Variants in TANC1 observed in about 807,000 individuals in gnomAD.
TANC1 encodes the protein protein TANC1.
A neutral mutation model predicts 149.7 loss-of-function variants in TANC1; 77 were observed. The observed-to-expected ratio is 0.51, with a 90% CI of 0.43 to 0.62. The LOEUF is 0.62. TANC1 is among the 20% of genes least tolerant of loss of function. The probability of loss-of-function intolerance (pLI) is 0.00; values close to 1 mark genes in which losing one functional copy is unlikely to be tolerated. For missense variants in TANC1, 1,985 were observed against 2,321.8 expected (o/e 0.85, Z 2.98); for synonymous variants, 854 against 925.0 (o/e 0.92, Z 1.39).
chr2:159,091,631 G>A (rs891765498), intron 3 of TANC1, among the ~76,000 whole-genome samples: 2 of 152,102 alleles, frequency 1.3e-5, no homozygotes, highest in African/African-American at 2.4e-5. Context: ...AAAACCATGC[G>A]GACAGTATTT....
intron 6 of TANC1, 96 bp from the exon 7 acceptor site, chr2:159,150,274 C>T (rs2052635138): frequency 2.0e-6 from 2 of 987,954 alleles, no homozygotes; most frequent in Non-Finnish European, 3.0e-6. Flanking sequence ...TTCCGTTTTC[C>T]TGTTCTTAGT....
chr2:159,075,957 A>G (rs954014726), intron 3 of TANC1, among the ~76,000 whole-genome samples: 1 of 152,216 alleles, frequency 6.6e-6, no homozygotes, highest in African/African-American at 2.4e-5. Context: ...TGCTTGCACA[A>G]TTCCTATTAC....
At chr2:159,111,967 T>G (rs1343242547) in intron 4 of TANC1, among the ~76,000 whole-genome samples, 1 of 150,964 alleles carries the variant, frequency 6.6e-6, no homozygotes, top group Admixed American at 6.6e-5. Context: ...AGAAATTGTA[T>G]GTCTTGAAGT....
chr2:159,056,860 AG>A (rs1574378805), intron 2 of TANC1: 1 of 321,100 alleles, frequency 3.1e-6, no homozygotes, highest in East Asian at 6.9e-5. Context: ...CTTCAATCAT[AG>A]GAGTTTCCTG....
rs1342660926 is a variant in TANC1, at chr2:158,981,524, TATATATATATATATATATAA to T, written c.-126+12744_-126+12763del. On this transcript the variant is annotated intron_variant, in intron 1 of 26. Coordinates refer to ENST00000263635, the MANE Select transcript of TANC1 (RefSeq NM_033394.3). Reference sequence around the variant, plus strand: ...ATATATATATATATATATATATATATATATATATATATATATATAAAGAAGTAACAGCTTAGAGTTTAAAA... The same window carrying T: ...ATATATATATATATATATATATATATAGAAGTAACAGCTTAGAGTTTAAAA... Among the ~76,000 whole-genome samples, 518 of 121,894 alleles carry T rather than the reference TATATATATATATATATATAA, an allele frequency of 4.2e-3. 6 individuals carry two copies. The highest frequency in any genetic ancestry group is 6.0e-3 in the Non-Finnish European group (345 of 57,234). 80.0% of individuals were successfully genotyped at this position (121,894 alleles called of 152,430 possible). A position where few individuals can be genotyped will look rare whatever the true frequency, so the allele number is the denominator to read the frequency against.
rs369721564 is a variant in TANC1, at chr2:159,150,923, G to A, written c.682+367G>A. ...TGAAATTCCTGCATATTAAGACGTCGTCTTATCCCAATCTCAAGGTCACTT... is the reference window on the plus strand; with the variant it reads ...TGAAATTCCTGCATATTAAGACGTCATCTTATCCCAATCTCAAGGTCACTT... On this transcript the variant is annotated intron_variant, in intron 7 of 26. Coordinates refer to ENST00000263635, the MANE Select transcript of TANC1 (RefSeq NM_033394.3). 5.4e-4 allele frequency: 98 copies of A among 181,544 alleles called. 1 individual carries two copies. Among genetic ancestry groups the A allele is most frequent in the Middle Eastern group, 2.4e-3 (1 of 414 alleles). 11.2% of individuals were successfully genotyped at this position (181,544 alleles called of 1,614,324 possible).
chr2:159,024,346 GTATT>G, intron 2 of TANC1, among the ~76,000 whole-genome samples: 1 of 152,312 alleles, frequency 6.6e-6, no homozygotes, highest in South Asian at 2.1e-4. Flanking sequence ...AAAGTCTACA[GTATT>G]GTACGGTAAT....
At position 159,219,816 on chromosome 2, in the gene TANC1, G is replaced by C; in HGVS notation, c.3627G>C (p.Lys1209Asn). 6.2e-7 allele frequency: 1 copy of C among 1,613,938 alleles called. No individual in the cohort carries two copies. Among genetic ancestry groups the C allele is most frequent in the African/African-American group, 1.3e-5 (1 of 75,052 alleles). The change falls in exon 22 of 27, where the codon AAG becomes AAC. Residue 1209 changes from lysine to asparagine, a missense_variant. Transcript: ENST00000263635. ...EEGAAIDQTD[K>N]NGRTPLDLAA... ...GAGCTGCAATAGACCAGACAGACAA[G>C]AATGGCCGCACACCCTTGGACCTGG... is the stretch of plus-strand genomic sequence containing the variant.
chr2:159,110,044 C>G (rs2047572465), intron 4 of TANC1, among the ~76,000 whole-genome samples: 1 of 152,190 alleles, frequency 6.6e-6, no homozygotes, highest in Non-Finnish European at 1.5e-5. Context: ...TGTCATACCT[C>G]AAACTGCATA....
chr2:159,136,063 T>TGC (rs141297015), intron 4 of TANC1, 131 bp from the exon 5 acceptor site: 1 of 534,924 alleles, frequency 1.9e-6, no homozygotes, highest in South Asian at 2.0e-5. Context: ...CGCGCGCGCG[T>TGC]TTAAGGGAGG....
chr2:159,075,863 A>T (rs2043621107), intron 3 of TANC1, among the ~76,000 whole-genome samples: 1 of 151,784 alleles, frequency 6.6e-6, no homozygotes, highest in African/African-American at 2.4e-5. Context: ...TGAACTTTTT[A>T]TAAGCTGTTA....
chr2:159,115,743 A>G (rs1284126474), intron 4 of TANC1, among the ~76,000 whole-genome samples: 3 of 152,136 alleles, frequency 2.0e-5, no homozygotes, highest in Admixed American at 6.5e-5. Context: ...TCAAGATTCA[A>G]AATATTCTGT....
chr2:159,151,448 C>T (rs897548528), intron 7 of TANC1, among the ~76,000 whole-genome samples: 6 of 152,210 alleles, frequency 3.9e-5, no homozygotes, highest in Non-Finnish European at 7.3e-5. Context: ...ACGCAGAGCT[C>T]TTCTGAAAGA....
intron 3 of TANC1, among the ~76,000 whole-genome samples, chr2:159,094,643 A>C (rs941974426): frequency 1.3e-5 from 2 of 152,140 alleles, no homozygotes; most frequent in Non-Finnish European, 2.9e-5. Flanking sequence ...GAAAGCCTCG[A>C]GGTGGTTTCT....
chr2:159,062,183 A>G (rs1419715493), intron 2 of TANC1, among the ~76,000 whole-genome samples: 2 of 152,216 alleles, frequency 1.3e-5, no homozygotes, highest in African/African-American at 2.4e-5. Flanking sequence ...GGTTGCAGTG[A>G]GCTGAGATTG....
chr2:158,974,365 C>CT (rs2033345772), intron 1 of TANC1, among the ~76,000 whole-genome samples: 1 of 152,194 alleles, frequency 6.6e-6, no homozygotes, highest in Non-Finnish European at 1.5e-5. Flanking sequence ...TCCTCAAATG[C>CT]TTAAGTCCCT....
intron 9 of TANC1, 83 bp from the exon 10 acceptor site, chr2:159,170,441 G>A (rs1490866057): frequency 1.5e-6 from 2 of 1,299,244 alleles, no homozygotes; most frequent in Non-Finnish European, 2.1e-6. Context: ...AGGATTTAGT[G>A]TAACACACAA....
At chr2:158,992,922 C>G (rs1395566852) in intron 1 of TANC1, among the ~76,000 whole-genome samples, 1 of 152,134 alleles carries the variant, frequency 6.6e-6, no homozygotes, top group Non-Finnish European at 1.5e-5. Flanking sequence ...CTTCACTGTG[C>G]TTCACTTGCA....
rs33996292 is a variant in TANC1 at position 159,214,124 on chromosome 2, CAAAA to C, written c.3245-3359_3245-3356del. 6.6e-3 allele frequency among the ~76,000 whole-genome samples: 665 copies of C among 100,874 alleles called. 4 individuals carry two copies. The highest frequency in any genetic ancestry group is 9.5e-3 in the Middle Eastern group (2 of 210). The allele number at this position is 100,874 out of a possible 152,430, so 66.2% of individuals were successfully genotyped here. A position where few individuals can be genotyped will look rare whatever the true frequency, so the allele number is the denominator to read the frequency against. On this transcript the variant is annotated intron_variant, in intron 19 of 26. Transcript: ENST00000263635. ...TGGGCAACAGAGCAAGATCCTGTCT[CAAAA>C]AAAAAAAAAAAAAGGGGGAATTTAG...
Sources: gnomAD v4.1 joint callset for allele counts (sites outside exome capture counted in the v4.1 genomes callset) on GRCh38, gnomAD v4.1.1 for gene constraint, MANE v1.5 for transcripts, NCBI Gene and HGNC (gene_info 2026-07-23, HGNC 2026-07-21) for gene names.